MFSD6: variants seen among roughly 807,000 people sequenced by gnomAD.
MFSD6 encodes the protein major facilitator superfamily domain containing 6, also known as major facilitator superfamily domain-containing protein 6.
Under a neutral mutation model 56.3 loss-of-function variants are expected in MFSD6, and 26 were observed. The observed-to-expected ratio is 0.46, with a 90% CI of 0.34 to 0.64. The LOEUF (loss-of-function observed/expected upper bound fraction) is 0.64. Among genes scored for constraint, MFSD6 ranks in the 30% least tolerant of loss-of-function variants. MFSD6 has a pLI of 0.01. For missense variants in MFSD6, 750 were observed against 986.2 expected (o/e 0.76, Z 3.21); for synonymous variants, 331 against 366.9 (o/e 0.90, Z 1.12).
rs771058431 is a variant in MFSD6 at position 190,500,173 on chromosome 2, G to A, written c.2331G>A (p.Glu777=). 62 of 1,614,030 alleles carry A rather than the reference G, an allele frequency of 3.8e-5. No individual in the cohort carries two copies. The Admixed American group carries it at 6.7e-4, about 17-fold the overall frequency. The part of the protein sequence containing the change: ...PAHPSVDPCT[E]ESEEQQAQLA... The stretch of plus-strand genomic sequence containing the variant: ...ACCCCAGTGTGGACCCGTGCACAGA[G>A]GAGAGTGAAGAGCAGCAGGCTCAGC... The change falls in exon 8 of 8, where the codon GAG becomes GAA. Residue 777 remains glutamate, a synonymous_variant. Transcript: ENST00000392328. This position sits in a 1 kb window ranked among gnomAD's most constrained non-coding sequence, Gnocchi z 5.3.
At chr2:190,466,690 CTG>C (rs1687623444) in intron 3 of MFSD6, among the ~76,000 whole-genome samples, 1 of 152,202 alleles carries the variant, frequency 6.6e-6, no homozygotes, top group African/African-American at 2.4e-5. Context: ...TATGAGGAAA[CTG>C]AGGCTCAGAG....
chr2:190,489,797 A>G lies in MFSD6; in HGVS notation c.1822A>G (p.Met608Val), dbSNP rs758716687. The G allele has an allele frequency of 2.5e-6, 4 of 1,614,168 alleles. No individual in the cohort carries two copies. The highest frequency in any genetic ancestry group is 1.6e-4 in the Middle Eastern group (1 of 6,062). ...TGCTGCAACCTTCCGAGGAATTGGC[A>G]TGGCCTGCTTGGTGATCCTACTGCT... ...GAAATFRGIG[M>V]ACLVILLLFA... The change falls in exon 6 of 8, where the codon ATG becomes GTG. Residue 608 changes from methionine to valine, a missense_variant. By Grantham distance (21) the Met-to-Val change is conservative. Around this residue, in one of 5 missense-constraint regions of MFSD6, gnomAD observed 125 missense variants for 223.1 expected, o/e 0.56. Transcript: ENST00000392328. This position sits in a 1 kb window ranked among gnomAD's most constrained non-coding sequence, Gnocchi z 6.6.
chr2:190,429,226 A>ATGTG (rs775898410), intron 2 of MFSD6, among the ~76,000 whole-genome samples: 1 of 108,316 alleles, frequency 9.2e-6, no homozygotes, highest in Non-Finnish European at 1.8e-5. Flanking sequence ...TTCTTTTGTT[A>ATGTG]CGTGTGTGTG....
At chr2:190,473,302 A>C (rs571284313) in intron 4 of MFSD6, among the ~76,000 whole-genome samples, 30 of 152,354 alleles carry the variant, frequency 2.0e-4, no homozygotes, top group African/African-American at 7.0e-4. Flanking sequence ...AAATTGGATA[A>C]AGAGTCAAAA....
rs778020142 is a variant in MFSD6 at position 190,485,441 on chromosome 2, T to C, written c.1631-3216T>C. Among the ~76,000 whole-genome samples the C allele has an allele frequency of 1.3e-5, 2 of 152,200 alleles. No homozygotes were observed. Among genetic ancestry groups the C allele is most frequent in the African/African-American group, 4.8e-5 (2 of 41,462 alleles). On this transcript the variant is annotated intron_variant, in intron 4 of 7. Transcript: ENST00000392328. The surrounding 1 kb of genome is among the most constrained non-coding windows in gnomAD (Gnocchi z 5.1). The stretch of plus-strand genomic sequence containing the variant: ...GGTAATTCATCTTTAAGAAATGATT[T>C]CCAAATCTGTGTTGGATTTTGCTAT...
In MFSD6 at chr2:190,487,270, A is replaced by G. The variant is rs1187370140; in HGVS notation, c.1631-1387A>G. 1.3e-5 allele frequency among the ~76,000 whole-genome samples: 2 copies of G among 152,130 alleles called. No individual in the cohort carries two copies. The highest frequency in any genetic ancestry group is 2.4e-5 in the African/African-American group (1 of 41,416). Reference sequence around the variant, plus strand: ...GCAGGAGGATCGCTTGAACCCAGGAAGCAGAGGTTGCAGTGAGCTGAGGTC... The same window carrying G: ...GCAGGAGGATCGCTTGAACCCAGGAGGCAGAGGTTGCAGTGAGCTGAGGTC... On this transcript the variant is annotated intron_variant, in intron 4 of 7. Coordinates refer to ENST00000392328, the MANE Select transcript of MFSD6 (RefSeq NM_017694.4). The surrounding 1 kb of genome is among the most constrained non-coding windows in gnomAD (Gnocchi z 5.5).
At chr2:190,477,127 C>T (rs914125458) in intron 4 of MFSD6, 5 of 329,640 alleles carry the variant, frequency 1.5e-5, no homozygotes, top group African/African-American at 1.1e-4. Context: ...ATGGGTGCAG[C>T]ACACCAATAT....
Position 190,418,222 on chromosome 2 carries a change from G to A in MFSD6, c.-54+2809G>A, listed in dbSNP as rs72903378. On this transcript the variant is annotated intron_variant, in intron 2 of 7. Coordinates refer to ENST00000392328, the MANE Select transcript of MFSD6 (RefSeq NM_017694.4). This position sits in a 1 kb window ranked among gnomAD's most constrained non-coding sequence, Gnocchi z 4.1. ...TTTCCTCATTGGTAAAACTGGGAAA[G>A]GAATCATTTCCACCCCAGAGAACTG... is the stretch of plus-strand genomic sequence containing the variant. Among the ~76,000 whole-genome samples, 91 of 152,260 alleles carry A rather than the reference G, an allele frequency of 6.0e-4. No homozygotes were observed. The highest frequency in any genetic ancestry group is 1.1e-3 in the Non-Finnish European group (77 of 68,004).
In MFSD6 at chr2:190,497,455, A is replaced by C. The variant is rs1559146257; in HGVS notation, c.1908A>C (p.Ala636=). ...TCTCTCCAGACAAGACAATGTTGGC[A>C]GAAAGAATTCCTGTTCCCTCCAGTC... The part of the protein sequence containing the change: ...PDEEEDKTML[A]ERIPVPSSPV... Residue 636 remains alanine (A), a synonymous_variant, in exon 7 of 8, where the codon GCA becomes GCC. Coordinates refer to ENST00000392328, the MANE Select transcript of MFSD6 (RefSeq NM_017694.4). This position sits in a 1 kb window ranked among gnomAD's most constrained non-coding sequence, Gnocchi z 5.2. 2 of 1,613,858 alleles carry C rather than the reference A, an allele frequency of 1.2e-6. No individual in the cohort carries two copies. Among genetic ancestry groups the C allele is most frequent in the Non-Finnish European group, 1.7e-6 (2 of 1,179,792 alleles).
intron 2 of MFSD6, among the ~76,000 whole-genome samples, chr2:190,419,377 T>C (rs1684051171): frequency 6.6e-6 from 1 of 152,216 alleles, no homozygotes; most frequent in Non-Finnish European, 1.5e-5. Context: ...TGTTGGCCAA[T>C]AACAGTTGAC....
At position 190,494,210 on chromosome 2, in the gene MFSD6, C is replaced by T. The variant is rs144377045; in HGVS notation, c.1892-3229C>T. On this transcript the variant is annotated intron_variant, in intron 6 of 7. Coordinates refer to ENST00000392328, the MANE Select transcript of MFSD6 (RefSeq NM_017694.4). The surrounding 1 kb of genome is among the most constrained non-coding windows in gnomAD (Gnocchi z 5.7). ...CACCACAGAAATACAAAAGATCATT[C>T]AAGGCTACTATTAACACCTTTACAT... Among the ~76,000 whole-genome samples the T allele has an allele frequency of 6.6e-6, 1 of 152,186 alleles. No homozygotes were observed. Among genetic ancestry groups the T allele is most frequent in the Non-Finnish European group, 1.5e-5 (1 of 67,986 alleles).
At chr2:190,408,051 G>A (rs1690372811), upstream of MFSD6, among the ~76,000 whole-genome samples, 2 of 152,028 alleles carry the variant, frequency 1.3e-5, no homozygotes. Context: ...GCCCGGCTGG[G>A]TTCAGGTGTC....
intron 3 of MFSD6, among the ~76,000 whole-genome samples, chr2:190,455,281 A>G (rs1180154431): frequency 1.1e-5 from 1 of 91,426 alleles, no homozygotes; most frequent in African/African-American, 2.9e-5. Context: ...TCATAGCTCT[A>G]TTAATTAAAT....
intron 3 of MFSD6, among the ~76,000 whole-genome samples, chr2:190,468,113 T>C (rs559769139): frequency 2.6e-5 from 4 of 152,334 alleles, no homozygotes. Flanking sequence ...GCTTTTTTTT[T>C]CCCTAGCAGA....
intron 4 of MFSD6, among the ~76,000 whole-genome samples, chr2:190,473,112 G>A (rs751204426): frequency 2.0e-5 from 3 of 152,122 alleles, no homozygotes; most frequent in South Asian, 2.1e-4. Context: ...GGAACAACCG[G>A]TACCAGCTAC....
Position 190,413,742 on chromosome 2 carries a change from T to C in MFSD6, c.-175-1550T>C, listed in dbSNP as rs1690663606. On this transcript the variant is annotated intron_variant, in intron 1 of 7. Coordinates refer to ENST00000392328, the MANE Select transcript of MFSD6 (RefSeq NM_017694.4). This position sits in a 1 kb window ranked among gnomAD's most constrained non-coding sequence, Gnocchi z 4.1. ...CTGTGTTGGTTATGTAGAGAGACCT[T>C]GTTCCACAGGCAGGTGCACTCCACT... Among the ~76,000 whole-genome samples, 1 of 152,168 alleles carries C rather than the reference T, an allele frequency of 6.6e-6. No homozygotes were observed. The highest frequency in any genetic ancestry group is 1.5e-5 in the Non-Finnish European group (1 of 68,024).
rs1207608404 is a variant in MFSD6, at chr2:190,437,657, T to A, written c.1532+96T>A. The A allele has an allele frequency of 6.4e-6, 9 of 1,411,096 alleles. No individual in the cohort carries two copies. Among genetic ancestry groups the A allele is most frequent in the African/African-American group, 1.4e-5 (1 of 69,340 alleles). The allele number at this position is 1,411,096 out of a possible 1,614,324, so 87.4% of individuals were successfully genotyped here. The stretch of plus-strand genomic sequence containing the variant: ...TACTACAATTTTAAGGTATTATAAT[T>A]TGTGTTGAGGATAGGGTTGGAGTGG... On this transcript the variant is annotated intron_variant, in intron 3 of 7. Transcript: ENST00000392328. This position sits in a 1 kb window ranked among gnomAD's most constrained non-coding sequence, Gnocchi z 5.9.
In MFSD6 at chr2:190,430,780, G is replaced by A. The variant is rs572605197; in HGVS notation, c.-53-5197G>A. On this transcript the variant is annotated intron_variant, in intron 2 of 7. Coordinates refer to ENST00000392328, the MANE Select transcript of MFSD6 (RefSeq NM_017694.4). ...GGGCTCCTCACTTCCCAGAAGGGGC[G>A]GCCGGGCGGGCAGAGGCGCCCCCCC... Among the ~76,000 whole-genome samples the A allele has an allele frequency of 8.8e-3, 1,333 of 151,478 alleles. 8 individuals are homozygous for A. The highest frequency in any genetic ancestry group is 0.014 in the Non-Finnish European group (974 of 67,800).
In MFSD6 at chr2:190,492,013, T is replaced by C. The variant is rs1689389604; in HGVS notation, c.1891+2147T>C. Among the ~76,000 whole-genome samples the C allele has an allele frequency of 6.6e-6, 1 of 152,132 alleles. No homozygotes were observed. The highest frequency in any genetic ancestry group is 2.1e-4 in the South Asian group (1 of 4,828). Reference sequence around the variant, plus strand: ...AGGACACACTTACAGAAATGCAAAATGTTCTGGAAAGTCTCAGCAACAGAA... The same window carrying C: ...AGGACACACTTACAGAAATGCAAAACGTTCTGGAAAGTCTCAGCAACAGAA... On this transcript the variant is annotated intron_variant, in intron 6 of 7. Transcript: ENST00000392328. This position sits in a 1 kb window ranked among gnomAD's most constrained non-coding sequence, Gnocchi z 5.2.
Sources: gnomAD v4.1 joint callset for allele counts (sites outside exome capture counted in the v4.1 genomes callset) on GRCh38, gnomAD v4.1.1 for gene constraint, gnomAD v4.1.1 regional missense constraint, Gnocchi (gnomAD v3.1) non-coding constraint, MANE v1.5 for transcripts, NCBI Gene and HGNC (gene_info 2026-07-23, HGNC 2026-07-21) for gene names.